HDAC9: variants seen among roughly 807,000 people sequenced by gnomAD.
HDAC9 encodes MEF-2 interacting transcription repressor (MITR) protein.
A neutral mutation model predicts 139.4 loss-of-function variants in HDAC9; 41 were observed. That is an observed-to-expected ratio of 0.29 (90% confidence interval 0.23 to 0.38). The LOEUF is 0.38. HDAC9 is among the 10% of genes least tolerant of loss of function. The probability of loss-of-function intolerance (pLI) is 1.00; values close to 1 mark genes in which losing one functional copy is unlikely to be tolerated. For missense variants in HDAC9, 1,147 were observed against 1,297.0 expected (o/e 0.88, Z 1.78); for synonymous variants, 517 against 476.2 (o/e 1.09, Z -1.12).
At chr7:18,424,648 C>A (rs988895046) in intron 1 of HDAC9, among the ~76,000 whole-genome samples, 26 of 152,290 alleles carry the variant, frequency 1.7e-4, no homozygotes, top group African/African-American at 5.8e-4. Flanking sequence ...GTGGCTCATG[C>A]CTGTAATCCC....
At chr7:18,538,222 TTGA>T (rs1465717450) in intron 2 of HDAC9, among the ~76,000 whole-genome samples, 1 of 152,204 alleles carries the variant, frequency 6.6e-6, no homozygotes, top group East Asian at 1.9e-4. Flanking sequence ...GTTCCTAGAC[TTGA>T]TGATGTTTAT....
At chr7:18,493,921 T>A (rs1414085400), upstream of HDAC9, among the ~76,000 whole-genome samples, 1 of 152,004 alleles carries the variant, frequency 6.6e-6, no homozygotes, top group East Asian at 1.9e-4. Context: ...AGACAGAGTT[T>A]GAAAACTACA....
chr7:18,677,325 T>C (rs1276382986), intron 12 of HDAC9, among the ~76,000 whole-genome samples: 1 of 151,916 alleles, frequency 6.6e-6, no homozygotes, highest in African/African-American at 2.4e-5. Context: ...GATATGGTCC[T>C]GTTTATTGCT....
chr7:18,607,073 A>T (rs908691557), intron 6 of HDAC9, among the ~76,000 whole-genome samples: 2 of 152,328 alleles, frequency 1.3e-5, no homozygotes, highest in East Asian at 1.9e-4. Flanking sequence ...AATCCTAAAA[A>T]TTTTTTATGA....
upstream of HDAC9, among the ~76,000 whole-genome samples, chr7:18,494,374 A>T (rs954876118): frequency 2.0e-5 from 3 of 152,006 alleles, no homozygotes; most frequent in Non-Finnish European, 2.9e-5. Context: ...TCTGGAGTTG[A>T]CCAAGATCCC....
chr7:18,949,608 C>T (rs540355184), intron 23 of HDAC9: 185 of 177,914 alleles, frequency 1.0e-3, no homozygotes, highest in African/African-American at 2.4e-3. Context: ...TCATAGGTAC[C>T]AGCTCCTGAA....
intron 1 of HDAC9, among the ~76,000 whole-genome samples, chr7:18,387,751 A>G (rs1256816267): frequency 6.6e-6 from 1 of 152,244 alleles, no homozygotes; most frequent in Non-Finnish European, 1.5e-5. Flanking sequence ...TATAGGGATA[A>G]GCGAATAAAA....
Position 19,002,140 on chromosome 7 carries a change from T to C in HDAC9, c.*6078T>C, listed in dbSNP as rs950158015. The stretch of plus-strand genomic sequence containing the variant: ...TGCCAAACTTTTCTTAAAATTGTGC[T>C]GCCAGTGGTATTTTCCCAGATGTGA... On this transcript the variant is annotated 3_prime_UTR_variant, in exon 26 of 26. Coordinates refer to ENST00000686413, the MANE Select transcript of HDAC9 (RefSeq NM_178425.4). The C allele has an allele frequency of 6.6e-6, 1 of 152,088 alleles. No homozygotes were observed. Among genetic ancestry groups the C allele is most frequent in the Non-Finnish European group, 1.5e-5 (1 of 67,938 alleles). The allele number at this position is 152,088 out of a possible 1,614,324, so 9.4% of individuals were successfully genotyped here.
chr7:18,437,156 T>G (rs1263145714), intron 1 of HDAC9, among the ~76,000 whole-genome samples: 2 of 152,190 alleles, frequency 1.3e-5, no homozygotes, highest in African/African-American at 4.8e-5. Flanking sequence ...CTGCAGAAAG[T>G]AGCCTTTAAG....
At chr7:18,543,104 A>G (rs929149130) in intron 2 of HDAC9, 7 of 152,222 alleles carry the variant, frequency 4.6e-5, no homozygotes, top group African/African-American at 1.7e-4. Context: ...ACACATAAAC[A>G]TACACCTTTT....
At chr7:18,285,050 A>G (rs927274280) in intron 2 of HDAC9, among the ~76,000 whole-genome samples, 18 of 152,262 alleles carry the variant, frequency 1.2e-4, no homozygotes, top group Non-Finnish European at 2.1e-4. Context: ...ACCAAAGTAA[A>G]ATGAACTAAA....
intron 1 of HDAC9, among the ~76,000 whole-genome samples, chr7:18,107,524 T>A (rs914752697): frequency 1.3e-4 from 20 of 151,518 alleles, no homozygotes; most frequent in Admixed American, 5.3e-4. Flanking sequence ...TCTCTCTCTC[T>A]CACACGCACA....
intron 6 of HDAC9, among the ~76,000 whole-genome samples, chr7:18,594,815 A>G (rs1356580281): frequency 6.6e-6 from 1 of 152,110 alleles, no homozygotes; most frequent in African/African-American, 2.4e-5. Flanking sequence ...TGCCAAATAT[A>G]GTTCTTTAGA....
At chr7:18,240,181 C>A (rs1794097566) in intron 2 of HDAC9, among the ~76,000 whole-genome samples, 1 of 152,076 alleles carries the variant, frequency 6.6e-6, no homozygotes, top group South Asian at 2.1e-4. Context: ...TTTATAACTG[C>A]AAATACTGTA....
intron 12 of HDAC9, among the ~76,000 whole-genome samples, chr7:18,716,024 C>T (rs777071510): frequency 2.0e-5 from 3 of 152,122 alleles, no homozygotes; most frequent in Non-Finnish European, 4.4e-5. Context: ...TCATGTCTCT[C>T]GTTATGATAT....
chr7:18,776,976 C>G (rs778705310), intron 16 of HDAC9, among the ~76,000 whole-genome samples: 26 of 151,606 alleles, frequency 1.7e-4, no homozygotes, highest in Non-Finnish European at 3.1e-4. Context: ...CTTCTGACAA[C>G]TGGATTGAGG....
intron 12 of HDAC9, among the ~76,000 whole-genome samples, chr7:18,690,028 C>T (rs533576798): frequency 2.0e-5 from 3 of 152,052 alleles, no homozygotes; most frequent in African/African-American, 7.2e-5. Context: ...ATGGCCTAAG[C>T]ATCCTTGGGA....
intron 14 of HDAC9, among the ~76,000 whole-genome samples, chr7:18,760,948 G>A (rs562836292): frequency 1.7e-4 from 26 of 152,304 alleles, no homozygotes; most frequent in African/African-American, 5.3e-4. Flanking sequence ...CCTGAGAGAG[G>A]TGTTGTCACC....
At chr7:18,643,118 T>C (rs1437447194) in intron 8 of HDAC9, among the ~76,000 whole-genome samples, 1 of 152,162 alleles carries the variant, frequency 6.6e-6, no homozygotes, top group South Asian at 2.1e-4. Context: ...CCTTTTGTTC[T>C]TGTACAGGTA....
Sources: allele counts gnomAD v4.1 joint callset (sites outside exome capture counted in the v4.1 genomes callset), GRCh38; gene constraint gnomAD v4.1.1; transcripts MANE v1.5; gene names NCBI Gene and HGNC (gene_info 2026-07-23, HGNC 2026-07-21).